POLD1: variants seen among roughly 807,000 people sequenced by gnomAD.
The protein encoded by POLD1 is DNA polymerase delta 1, catalytic subunit, also known as DNA polymerase delta catalytic subunit.
POLD1 carries 79 observed loss-of-function variants against 129.7 expected under a neutral mutation model. The ratio of observed to expected loss-of-function variants is 0.61; its 90% CI spans 0.51 to 0.73. POLD1 has a LOEUF of 0.73. POLD1 is among the 30% of genes least tolerant of loss of function. The pLI is 0.00. For missense variants in POLD1, 1,338 were observed against 1,595.8 expected (o/e 0.84, Z 2.75); for synonymous variants, 714 against 683.3 (o/e 1.04, Z -0.70).
rs955345317 is a variant in POLD1 at position 50,409,440 on chromosome 19, A to G, written c.2007-79A>G. ...CAGTGCACAGTACGCCCAACCGTAC[A>G]TGGCACTCACTTCCAGAAAGGAGCC... On this transcript the variant is annotated intron_variant, in intron 16 of 26. Coordinates refer to ENST00000440232, the MANE Select transcript of POLD1 (RefSeq NM_002691.4). The surrounding 1 kb of genome is among the most constrained non-coding windows in gnomAD (Gnocchi z 5.8). 9 of 1,583,246 alleles carry G rather than the reference A, an allele frequency of 5.7e-6. No homozygotes were observed. Among genetic ancestry groups the G allele is most frequent in the Middle Eastern group, 1.7e-4 (1 of 5,978 alleles).
chr19:50,415,794 G>GCCAAGGGTGTGGCCGCCTA lies in POLD1; in HGVS notation c.2790_2808dup (p.Met937GlnfsTer23). On this transcript the variant is annotated frameshift_variant, in exon 22 of 27. Coordinates refer to ENST00000440232, the MANE Select transcript of POLD1 (RefSeq NM_002691.4). LOFTEE classifies it high-confidence loss of function. ...CGTCCCCTACGTGATCATCAGTGCC[G>GCCAAGGGTGTGGCCGCCTA]CCAAGGGTGTGGCCGCCTACATGAA... is the stretch of plus-strand genomic sequence containing the variant. 6.4e-7 allele frequency: 1 copy of GCCAAGGGTGTGGCCGCCTA among 1,560,522 alleles called. No homozygotes were observed. The highest frequency in any genetic ancestry group is 8.7e-7 in the Non-Finnish European group (1 of 1,155,094).
At chr19:50,403,378 C>T in intron 9 of POLD1, 115 bp from the exon 10 acceptor site, 1 of 1,114,986 alleles carries the variant, frequency 9.0e-7, no homozygotes, top group Non-Finnish European at 1.3e-6. Flanking sequence ...TTGAGCACTT[C>T]CCCTCTGGGT....
chr19:50,387,451 G>C (rs1291970690), intron 1 of POLD1, among the ~76,000 whole-genome samples: 1 of 152,222 alleles, frequency 6.6e-6, no homozygotes, highest in African/African-American at 2.4e-5. Context: ...GGTCGTGAGA[G>C]GGGCAGAGGA....
rs2039266476 is a variant in POLD1 at position 50,415,821 on chromosome 19, T to G, written c.2815T>G (p.Ser939Ala). ...CAAGGGTGTGGCCGCCTACATGAAG[T>G]CGGAGGTCAGGCCCACCTGGCTGCC... ...AAKGVAAYMK[S>A]EDPLFVLEHS... The change falls in exon 22 of 27, where the codon TCG becomes GCG. Residue 939 changes from serine to alanine, a missense_variant. Ser to Ala is a moderately conservative substitution (Grantham distance 99, BLOSUM62 1). Transcript: ENST00000440232. The G allele has an allele frequency of 2.0e-6, 3 of 1,519,604 alleles. No homozygotes were observed. In the African/African-American group the frequency reaches 4.1e-5, roughly 21 times the overall value. 94.1% of individuals were successfully genotyped at this position (1,519,604 alleles called of 1,614,324 possible). A position where few individuals can be genotyped will look rare whatever the true frequency, so the allele number is the denominator to read the frequency against.
At position 50,415,819 on chromosome 19, in the gene POLD1, A is replaced by G. The variant is rs1356081968; in HGVS notation, c.2813A>G (p.Lys938Arg). The change falls in exon 22 of 27, where the codon AAG (lysine) becomes AGG (arginine). Residue 938 changes from lysine to arginine, a missense_variant. Coordinates refer to ENST00000440232, the MANE Select transcript of POLD1 (RefSeq NM_002691.4). ...GCCAAGGGTGTGGCCGCCTACATGA[A>G]GTCGGAGGTCAGGCCCACCTGGCTG... Reference protein sequence around the residue: ...SAAKGVAAYMKSEDPLFVLEH... With the variant: ...SAAKGVAAYMRSEDPLFVLEH... 4 of 1,524,096 alleles carry G rather than the reference A, an allele frequency of 2.6e-6. No individual in the cohort carries two copies. The highest frequency in any genetic ancestry group is 3.5e-6 in the Non-Finnish European group (4 of 1,134,550). 94.4% of individuals were successfully genotyped at this position (1,524,096 alleles called of 1,614,324 possible). A position where few individuals can be genotyped will look rare whatever the true frequency, so the allele number is the denominator to read the frequency against.
chr19:50,398,832 G>A lies in POLD1; in HGVS notation c.-1-19G>A, dbSNP rs945107610. 1.2e-6 allele frequency: 2 copies of A among 1,606,088 alleles called. No individual in the cohort carries two copies. Among genetic ancestry groups the A allele is most frequent in the Non-Finnish European group, 1.7e-6 (2 of 1,178,008 alleles). ...TGTCTCCGGTCAGAACCTCCACCAA[G>A]CTCCAACTTGCCCAGCAGGATGGAT... On this transcript the variant is annotated intron_variant, in intron 1 of 26. Coordinates refer to ENST00000440232, the MANE Select transcript of POLD1 (RefSeq NM_002691.4).
In POLD1 at chr19:50,404,634, G is replaced by A. The variant is rs1428476541; in HGVS notation, c.1242+1037G>A. Among the ~76,000 whole-genome samples, 7 of 120,562 alleles carry A rather than the reference G, an allele frequency of 5.8e-5. No homozygotes were observed. In the East Asian group the frequency reaches 7.5e-4, roughly 13 times the overall value. The allele number at this position is 120,562 out of a possible 152,430, so 79.1% of individuals were successfully genotyped here. On this transcript the variant is annotated intron_variant, in intron 10 of 26. Transcript: ENST00000440232. Reference sequence around the variant, plus strand: ...CGCTGTGTCGCCCAGGCTGGAGTGCGATGGCACGATCGAGGCTCACTGCAA... The same window carrying A: ...CGCTGTGTCGCCCAGGCTGGAGTGCAATGGCACGATCGAGGCTCACTGCAA...
Position 50,401,930 on chromosome 19 carries a change from T to G in POLD1, c.463+6T>G, listed in dbSNP as rs759315897. ...CTACACCCCAGCGCCCCCTGGTGAG[T>G]GGCCCCTACCCAGCCCCTCCCTGAG... On this transcript the variant is annotated splice_donor_region_variant and intron_variant, in intron 4 of 26. Coordinates refer to ENST00000440232, the MANE Select transcript of POLD1 (RefSeq NM_002691.4). The G allele has an allele frequency of 6.2e-7, 1 of 1,613,870 alleles. No individual in the cohort carries two copies. Among genetic ancestry groups the G allele is most frequent in the Non-Finnish European group, 8.5e-7 (1 of 1,179,882 alleles).
At chr19:50,386,202 C>G (rs1011964196) in intron 1 of POLD1, among the ~76,000 whole-genome samples, 2 of 151,826 alleles carry the variant, frequency 1.3e-5, no homozygotes, top group Non-Finnish European at 2.9e-5. Context: ...TGCAGTGGCG[C>G]GATCTCGGCT....
Position 50,417,958 on chromosome 19 carries a change from A to T in POLD1, c.*11A>T, listed in dbSNP as rs746897122. 3.9e-6 allele frequency: 6 copies of T among 1,538,140 alleles called. No individual in the cohort carries two copies. Among genetic ancestry groups the T allele is most frequent in the Non-Finnish European group, 5.4e-6 (6 of 1,115,230 alleles). On this transcript the variant is annotated 3_prime_UTR_variant, in exon 27 of 27. Transcript: ENST00000440232. ...CCTGAGGCCTGGTGACCTTGCAAGCATCCCATGGGGCGGGGGCGGGACCAG... is the reference window on the plus strand; with the variant it reads ...CCTGAGGCCTGGTGACCTTGCAAGCTTCCCATGGGGCGGGGGCGGGACCAG...
Position 50,403,609 on chromosome 19 carries a change from G to A in POLD1, c.1242+12G>A, listed in dbSNP as rs1305888402. On this transcript the variant is annotated intron_variant, in intron 10 of 26. Coordinates refer to ENST00000440232, the MANE Select transcript of POLD1 (RefSeq NM_002691.4). ...CCCAGACCCTCAAGGTGAGGGCTGGGCAGGTGGGAGGCTTCTCTCAGATGC... is the reference window on the plus strand; with the variant it reads ...CCCAGACCCTCAAGGTGAGGGCTGGACAGGTGGGAGGCTTCTCTCAGATGC... 1.9e-6 allele frequency: 3 copies of A among 1,565,846 alleles called. No individual in the cohort carries two copies. The Admixed American group carries it at 5.0e-5, about 26-fold the overall frequency.
At chr19:50,390,235 CT>C (rs113095533) in intron 1 of POLD1, among the ~76,000 whole-genome samples, 7,632 of 142,602 alleles carry the variant, frequency 0.054, 660 homozygotes, top group African/African-American at 0.19. Flanking sequence ...CTTTTCTTTT[CT>C]TTTTTTTTTT....
intron 19 of POLD1, 97 bp from the exon 20 acceptor site, chr19:50,414,718 C>T (rs1293383215): frequency 4.1e-5 from 41 of 1,006,096 alleles, no homozygotes; most frequent in Admixed American, 1.7e-4. Context: ...CCTCAAACTG[C>T]GTCTGGGACC....
chr19:50,409,220 T>C lies in POLD1; in HGVS notation c.1991T>C (p.Leu664Pro). 6.2e-7 allele frequency: 1 copy of C among 1,610,620 alleles called. No individual in the cohort carries two copies. Among genetic ancestry groups the C allele is most frequent in the Non-Finnish European group, 8.5e-7 (1 of 1,176,992 alleles). ...GLLPQILENL[L>P]SARKRAKAEL... ...CTGCCCCAGATCCTGGAGAACCTGC[T>C]CAGTGCCCGGAAGAGGTGAGCCCTG... Residue 664 changes from leucine (L) to proline (P), a missense_variant, in exon 16 of 27, where the codon CTC becomes CCC. Leu to Pro is a moderately conservative substitution (Grantham distance 98). This residue lies in a region of POLD1 where 720 missense variants were observed against 1,002.6 expected (regional missense o/e 0.72). Coordinates refer to ENST00000440232, the MANE Select transcript of POLD1 (RefSeq NM_002691.4). The surrounding 1 kb of genome is among the most constrained non-coding windows in gnomAD (Gnocchi z 5.8).
At chr19:50,404,574 C>CTTTTTTTTTTTT (rs71182717) in intron 10 of POLD1, among the ~76,000 whole-genome samples, 16 of 77,868 alleles carry the variant, frequency 2.1e-4, no homozygotes, top group Middle Eastern at 0.02. Context: ...TTTTCTCTTT[C>CTTTTTTTTTTTT]TTTTTTTTTT....
rs143184018 is a variant in POLD1, at chr19:50,412,428, C to A, written c.2155-998C>A. Among the ~76,000 whole-genome samples the A allele has an allele frequency of 4.9e-3, 738 of 150,712 alleles. 6 individuals carry two copies. The highest frequency in any genetic ancestry group is 0.017 in the African/African-American group (687 of 40,886). ...TCGGCCTCCCAAAGTGCTGGGATTA[C>A]TGGTGTGAGTCACCACGCTTGGCCT... On this transcript the variant is annotated intron_variant, in intron 17 of 26. Transcript: ENST00000440232.
rs750956986 is a variant in POLD1 at position 50,413,807 on chromosome 19, G to A, written c.2316G>A (p.Met772Ile). ...RFGVSSVAEAMALGREAADWV... is the reference protein window; with the variant it reads ...RFGVSSVAEAIALGREAADWV... Reference sequence around the variant, plus strand: ...GCGTGTCCTCGGTGGCTGAGGCGATGGCCCTGGGGCGGGAGGCCGCGGACT... The same window carrying A: ...GCGTGTCCTCGGTGGCTGAGGCGATAGCCCTGGGGCGGGAGGCCGCGGACT... The change falls in exon 19 of 27, where the codon ATG becomes ATA. Residue 772 changes from methionine to isoleucine, a missense_variant. By Grantham distance (10) the Met-to-Ile change is conservative (BLOSUM62 1). Around this residue, in one of 3 missense-constraint regions of POLD1, gnomAD observed 720 missense variants for 1,002.6 expected, o/e 0.72. Transcript: ENST00000440232. The A allele has an allele frequency of 5.6e-6, 9 of 1,612,618 alleles. No homozygotes were observed. The highest frequency in any genetic ancestry group is 3.3e-5 in the Admixed American group (2 of 59,880).
intron 20 of POLD1, 100 bp downstream of exon 20, chr19:50,415,090 C>G (rs987189497): frequency 8.5e-7 from 1 of 1,178,208 alleles, no homozygotes; most frequent in Non-Finnish European, 1.1e-6. Flanking sequence ...CCCTCAGACC[C>G]ACGGGTCCAG....
chr19:50,409,749 T>C lies in POLD1; in HGVS notation c.2154+83T>C. The C allele has an allele frequency of 2.1e-6, 3 of 1,437,458 alleles. No homozygotes were observed. Among genetic ancestry groups the C allele is most frequent in the Non-Finnish European group, 2.8e-6 (3 of 1,061,924 alleles). 89.0% of individuals were successfully genotyped at this position (1,437,458 alleles called of 1,614,324 possible). On this transcript the variant is annotated intron_variant, in intron 17 of 26. Coordinates refer to ENST00000440232, the MANE Select transcript of POLD1 (RefSeq NM_002691.4). The surrounding 1 kb of genome is among the most constrained non-coding windows in gnomAD (Gnocchi z 5.8). ...ACCAGGGCTCCATGTGGGGGACCTG[T>C]ATCCAGAGGACTGGGCACCCCAACT... is the stretch of plus-strand genomic sequence containing the variant.
Sources: allele counts gnomAD v4.1 joint callset (sites outside exome capture counted in the v4.1 genomes callset), GRCh38; gene constraint gnomAD v4.1.1; regional missense constraint gnomAD v4.1.1; non-coding constraint Gnocchi (gnomAD v3.1); transcripts MANE v1.5; gene names NCBI Gene and HGNC (gene_info 2026-07-23, HGNC 2026-07-21).